Variants in NDUFS7 observed in about 807,000 individuals in gnomAD.
The protein encoded by NDUFS7 is NADH:ubiquinone oxidoreductase core subunit S7.
NDUFS7 carries 11 observed loss-of-function variants against 31.1 expected under a neutral mutation model. That is an observed-to-expected ratio of 0.35 (90% CI 0.22 to 0.59). The LOEUF (loss-of-function observed/expected upper bound fraction) is 0.59. NDUFS7 is among the 20% of genes least tolerant of loss of function. NDUFS7 has a pLI of 0.79. For missense variants in NDUFS7, 263 were observed against 324.2 expected, an observed-to-expected ratio of 0.81 and a Z score of 1.45; for synonymous variants, 136 against 127.9, an observed-to-expected ratio of 1.06 and a Z score of -0.43.
rs2144619563 is a variant in NDUFS7 at position 1,390,873 on chromosome 19, T to C, written c.231T>C (p.Ser77=). 1 of 1,608,178 alleles carries C rather than the reference T, an allele frequency of 6.2e-7. No homozygotes were observed. The highest frequency in any genetic ancestry group is 8.5e-7 in the Non-Finnish European group (1 of 1,179,588). ...LDDLVNWARR[S]SLWPMTFGLA... Reference sequence around the variant, plus strand: ...TGACCCGAGCCCGGCCTCCGCAGAGTTCTCTGTGGCCCATGACCTTCGGCC... The same window carrying C: ...TGACCCGAGCCCGGCCTCCGCAGAGCTCTCTGTGGCCCATGACCTTCGGCC... The change falls in exon 5 of 8, where the codon AGT becomes AGC. Residue 77 remains serine (S), a splice_region_variant and synonymous_variant. Transcript: ENST00000233627.
At chr19:1,388,964 C>T (rs1341044068) in intron 4 of NDUFS7, 26 bp downstream of exon 4, 1 of 1,567,154 alleles carries the variant, frequency 6.4e-7, no homozygotes, top group Non-Finnish European at 8.7e-7. Flanking sequence ...TGTAGGCCCT[C>T]CTCGAGCGCC....
At chr19:1,385,221 TA>T (rs1272507324) in intron 1 of NDUFS7, among the ~76,000 whole-genome samples, 2 of 152,228 alleles carry the variant, frequency 1.3e-5, no homozygotes, top group Non-Finnish European at 2.9e-5. Context: ...GGCCCCTTGT[TA>T]AGAATGCCTG....
In NDUFS7 at chr19:1,394,510, G is replaced by A. The variant is rs561727218; in HGVS notation, c.545-881G>A. ...CTGCGCTCCTCCCTCCTTGGGGACC[G>A]TGCTCCTCCCTCCCTCCCTGCGGAC... On this transcript the variant is annotated intron_variant, in intron 7 of 7. Coordinates refer to ENST00000233627, the MANE Select transcript of NDUFS7 (RefSeq NM_024407.5). The A allele has an allele frequency of 4.0e-5, 50 of 1,260,630 alleles. No homozygotes were observed. In the African/African-American group the frequency reaches 7.4e-4, roughly 19 times the overall value. The allele number at this position is 1,260,630 out of a possible 1,614,324, so 78.1% of individuals were successfully genotyped here. A position where few individuals can be genotyped will look rare whatever the true frequency, so the allele number is the denominator to read the frequency against.
intron 2 of NDUFS7, chr19:1,388,076 C>T: frequency 1.6e-6 from 1 of 633,018 alleles, no homozygotes; most frequent in East Asian, 2.7e-5. Context: ...ACCCTGTGGG[C>T]CCGGCTCAGT....
At position 1,391,572 on chromosome 19, in the gene NDUFS7, C is replaced by T. The variant is rs556653626; in HGVS notation, c.455+407C>T. ...AACCATCTCGGCTCACTGCAACCTCCGCCTCCCAGGTTCAAGCAATTTTCC... is the reference window on the plus strand; with the variant it reads ...AACCATCTCGGCTCACTGCAACCTCTGCCTCCCAGGTTCAAGCAATTTTCC... On this transcript the variant is annotated intron_variant, in intron 6 of 7. Transcript: ENST00000233627. Among the ~76,000 whole-genome samples, 17 of 151,564 alleles carry T rather than the reference C, an allele frequency of 1.1e-4. No individual in the cohort carries two copies. The East Asian group carries it at 1.2e-3, about 10-fold the overall frequency.
At chr19:1,390,826 G>T (rs761134484) in intron 4 of NDUFS7, 45 bp from the exon 5 acceptor site, 1 of 1,593,196 alleles carries the variant, frequency 6.3e-7, no homozygotes, top group African/African-American at 1.3e-5. Flanking sequence ...GCTGGGCCAC[G>T]CGGGGCTCCG....
rs143961210 is a variant in NDUFS7, at chr19:1,394,443, C to T, written c.545-948C>T. 582 of 1,275,596 alleles carry T rather than the reference C, an allele frequency of 4.6e-4. 7 individuals are homozygous for T. In the East Asian group the frequency reaches 0.025, roughly 55 times the overall value. The allele number at this position is 1,275,596 out of a possible 1,614,324, so 79.0% of individuals were successfully genotyped here. A position where few individuals can be genotyped will look rare whatever the true frequency, so the allele number is the denominator to read the frequency against. On this transcript the variant is annotated intron_variant, in intron 7 of 7. Coordinates refer to ENST00000233627, the MANE Select transcript of NDUFS7 (RefSeq NM_024407.5). ...ACTGAGCTCCTCCCTCCCTGGGGAC[C>T]GCGCTCCTCCCTCCCTGCGGACTGT...
chr19:1,390,956 G>A lies in NDUFS7; in HGVS notation c.314G>A (p.Arg105His), dbSNP rs745316045. 1.2e-5 allele frequency: 20 copies of A among 1,612,458 alleles called. No individual in the cohort carries two copies. The highest frequency in any genetic ancestry group is 8.0e-5 in the African/African-American group (6 of 74,864). ...GCAGCACCCCGCTACGACATGGACC[G>A]CTTTGGCGTGGTCTTCCGCGCCAGC... ...HMAAPRYDMD[R>H]FGVVFRASPR... Residue 105 changes from arginine (R) to histidine (H), a missense_variant, in exon 5 of 8, where the codon CGC becomes CAC. Coordinates refer to ENST00000233627, the MANE Select transcript of NDUFS7 (RefSeq NM_024407.5).
At chr19:1,387,916 G>C (rs1199404682) in intron 2 of NDUFS7, 69 bp downstream of exon 2, 6 of 404,092 alleles carry the variant, frequency 1.5e-5, no homozygotes, top group East Asian at 7.8e-5. Context: ...CGGGGCGGGG[G>C]GGGTGGGGGG....
At chr19:1,385,821 AAACAACAAC>A (rs528997553) in intron 1 of NDUFS7, among the ~76,000 whole-genome samples, 3 of 152,110 alleles carry the variant, frequency 2.0e-5, no homozygotes, top group Admixed American at 6.5e-5. Flanking sequence ...CTCCGTCTCA[AAACAACAAC>A]AACAACAACA....
intron 4 of NDUFS7, 46 bp from the exon 5 acceptor site, chr19:1,390,825 C>CG (rs2082549998): frequency 6.3e-7 from 1 of 1,591,386 alleles, no homozygotes; most frequent in African/African-American, 1.3e-5. Context: ...CGCTGGGCCA[C>CG]GCGGGGCTCC....
Position 1,393,349 on chromosome 19 carries a change from C to T in NDUFS7, c.544+19C>T, listed in dbSNP as rs1030514003. 34 of 1,551,486 alleles carry T rather than the reference C, an allele frequency of 2.2e-5. No individual in the cohort carries two copies. The East Asian group carries it at 2.6e-4, about 12-fold the overall frequency. On this transcript the variant is annotated intron_variant, in intron 7 of 7. Coordinates refer to ENST00000233627, the MANE Select transcript of NDUFS7 (RefSeq NM_024407.5). This position sits in a 1 kb window ranked among gnomAD's most constrained non-coding sequence, Gnocchi z 7.3. ...ATCCCAGGTAGGGCCGGGACCGCACCGCCCACGAGGGAGCTGGAGACAGGG... is the reference window on the plus strand; with the variant it reads ...ATCCCAGGTAGGGCCGGGACCGCACTGCCCACGAGGGAGCTGGAGACAGGG...
chr19:1,394,490 C>T (rs1600153984), intron 7 of NDUFS7: 2 of 1,258,574 alleles, frequency 1.6e-6, no homozygotes, highest in African/African-American at 1.7e-5. Flanking sequence ...GGGGACTGCG[C>T]TCCTCCCTCC....
chr19:1,395,044 ACTG>A lies in NDUFS7; in HGVS notation c.545-344_545-342del, dbSNP rs1268993934. 2.5e-6 allele frequency: 3 copies of A among 1,189,852 alleles called. No individual in the cohort carries two copies. In the African/African-American group the frequency reaches 4.7e-5, roughly 19 times the overall value. The allele number at this position is 1,189,852 out of a possible 1,614,324, so 73.7% of individuals were successfully genotyped here. A position where few individuals can be genotyped will look rare whatever the true frequency, so the allele number is the denominator to read the frequency against. On this transcript the variant is annotated intron_variant, in intron 7 of 7. Transcript: ENST00000233627. ...AGGGCAGCCCCGGGCCCTGCTCCCC[ACTG>A]CTAAGTGTGTCTGCTGAGCGCTGGC...
intron 2 of NDUFS7, 192 bp downstream of exon 2, chr19:1,388,039 G>T: frequency 1.5e-6 from 1 of 668,572 alleles, no homozygotes; most frequent in East Asian, 2.7e-5. Context: ...TCCACGCAGT[G>T]GCAAAGGCTG....
chr19:1,392,142 T>C (rs1265434176), intron 6 of NDUFS7: 6 of 151,684 alleles, frequency 4.0e-5, no homozygotes, highest in African/African-American at 1.2e-4. Flanking sequence ...CCACCATGCC[T>C]GGCCAATATT....
chr19:1,394,731 A>G (rs1334745918), intron 7 of NDUFS7: 2 of 1,191,886 alleles, frequency 1.7e-6, no homozygotes, highest in Admixed American at 3.6e-5. Context: ...AGCAGCCTGG[A>G]CTTGCCAGAG....
chr19:1,391,087 T>C lies in NDUFS7; in HGVS notation c.409-32T>C, dbSNP rs1303959309. On this transcript the variant is annotated intron_variant, in intron 5 of 7. Coordinates refer to ENST00000233627, the MANE Select transcript of NDUFS7 (RefSeq NM_024407.5). ...CCCAGCCGCCCAGCCGCCCCCAGAG[T>C]GAGCTGCGCACGGACCCCGCCTCTC... The C allele has an allele frequency of 8.1e-6, 13 of 1,611,680 alleles. No homozygotes were observed. The South Asian group carries it at 1.3e-4, about 16-fold the overall frequency.
At chr19:1,388,449 A>C (rs1600146640) in intron 2 of NDUFS7, 76 bp from the exon 3 acceptor site, 1 of 1,343,524 alleles carries the variant, frequency 7.4e-7, no homozygotes, top group Non-Finnish European at 1.1e-6. Flanking sequence ...GGGGAGAGGC[A>C]GGACAACAGT....
Sources: gnomAD v4.1 joint callset for allele counts (sites outside exome capture counted in the v4.1 genomes callset) on GRCh38, gnomAD v4.1.1 for gene constraint, Gnocchi (gnomAD v3.1) non-coding constraint, MANE v1.5 for transcripts, NCBI Gene and HGNC (gene_info 2026-07-23, HGNC 2026-07-21) for gene names.